Variants in NELL1 observed in about 807,000 individuals in gnomAD.
The protein encoded by NELL1 is protein kinase C-binding protein NELL1.
A neutral mutation model predicts 107.4 loss-of-function variants in NELL1; 76 were observed. The ratio of observed to expected loss-of-function variants is 0.71; its 90% confidence interval spans 0.59 to 0.86. NELL1 has a LOEUF of 0.86. Among genes scored for constraint, NELL1 ranks in the 40% least tolerant of loss-of-function variants. The pLI, the probability that NELL1 is intolerant of heterozygous loss-of-function variation, is 0.00. For missense variants in NELL1, 1,024 were observed against 1,005.5 expected, an observed-to-expected ratio of 1.02 and a Z score of -0.25; for synonymous variants, 353 against 341.2, an observed-to-expected ratio of 1.03 and a Z score of -0.38.
At chr11:20,990,551 A>G (rs1187990920) in intron 12 of NELL1, among the ~76,000 whole-genome samples, 2 of 152,322 alleles carry the variant, frequency 1.3e-5, no homozygotes, top group East Asian at 1.9e-4. Context: ...ATGCTCAGAC[A>G]CAGACATTGG....
At chr11:21,383,960 A>C (rs2133772582) in intron 15 of NELL1, 1 of 152,024 alleles carries the variant, frequency 6.6e-6, no homozygotes, top group East Asian at 1.9e-4. Context: ...GGCAAACTAT[A>C]ATCTTTCACA....
intron 3 of NELL1, among the ~76,000 whole-genome samples, chr11:20,814,434 A>G (rs1857578407): frequency 6.6e-6 from 1 of 152,166 alleles, no homozygotes; most frequent in African/African-American, 2.4e-5. Flanking sequence ...GAAGTTTTTC[A>G]GCCCTTGCCT....
At chr11:20,968,210 T>C (rs1172007541) in intron 12 of NELL1, among the ~76,000 whole-genome samples, 2 of 152,230 alleles carry the variant, frequency 1.3e-5, no homozygotes, top group Non-Finnish European at 2.9e-5. Flanking sequence ...TGTTTTCTTA[T>C]GTGTGTTTTT....
In NELL1 at chr11:20,700,970, C is replaced by T. The variant is rs150753026; in HGVS notation, c.184+22910C>T. Among the ~76,000 whole-genome samples, 1,428 of 152,226 alleles carry T rather than the reference C, an allele frequency of 9.4e-3. 22 individuals are homozygous for T. The highest frequency in any genetic ancestry group is 0.036 in the Admixed American group (543 of 15,290). On this transcript the variant is annotated intron_variant, in intron 2 of 19. Coordinates refer to ENST00000357134, the MANE Select transcript of NELL1 (RefSeq NM_006157.5). ...TGTGAATAGTGCCACAATAAACATA[C>T]GTGTGCATGTGTCTTTATAGCAGCA...
chr11:21,143,119 C>G (rs1175500713), intron 13 of NELL1, among the ~76,000 whole-genome samples: 1 of 152,154 alleles, frequency 6.6e-6, no homozygotes. Flanking sequence ...AGGCCAAACT[C>G]CCATTTTACA....
Position 21,249,036 on chromosome 11 carries a change from C to G in NELL1, c.1549+19582C>G, listed in dbSNP as rs146753175. On this transcript the variant is annotated intron_variant, in intron 14 of 19. Coordinates refer to ENST00000357134, the MANE Select transcript of NELL1 (RefSeq NM_006157.5). ...TACTGTTGCTGGGGGGCCTCTATACCCAGCCCTGCCTGAAGTCAGGACCAC... is the reference window on the plus strand; with the variant it reads ...TACTGTTGCTGGGGGGCCTCTATACGCAGCCCTGCCTGAAGTCAGGACCAC... 3.0e-3 allele frequency among the ~76,000 whole-genome samples: 462 copies of G among 152,158 alleles called. 3 individuals are homozygous for G. Among genetic ancestry groups the G allele is most frequent in the African/African-American group, 0.011 (439 of 41,516 alleles).
chr11:21,003,603 ACT>A (rs1852270167), intron 12 of NELL1, among the ~76,000 whole-genome samples: 1 of 151,822 alleles, frequency 6.6e-6, no homozygotes. Context: ...CCTTCTCTAT[ACT>A]CTGTTTTGCC....
intron 2 of NELL1, among the ~76,000 whole-genome samples, chr11:20,766,291 C>T (rs922557409): frequency 1.3e-5 from 2 of 152,130 alleles, no homozygotes; most frequent in African/African-American, 4.8e-5. Context: ...CATTTCTACT[C>T]TAAACTGCAG....
chr11:20,704,891 A>T (rs1232927130), intron 2 of NELL1, among the ~76,000 whole-genome samples: 1 of 152,224 alleles, frequency 6.6e-6, no homozygotes, highest in Admixed American at 6.6e-5. Context: ...GAGCCAAATC[A>T]TGAGTGAACT....
chr11:20,980,920 A>G (rs1005185611), intron 12 of NELL1, among the ~76,000 whole-genome samples: 3 of 152,244 alleles, frequency 2.0e-5, no homozygotes, highest in Admixed American at 6.5e-5. Flanking sequence ...AAGCCAGAGC[A>G]GTGAGTCAGT....
Position 21,365,924 on chromosome 11 carries a change from A to T in NELL1, c.1550-4929A>T, listed in dbSNP as rs543471846. Among the ~76,000 whole-genome samples, 3 of 152,248 alleles carry T rather than the reference A, an allele frequency of 2.0e-5. No homozygotes were observed. The East Asian group carries it at 5.8e-4, about 29-fold the overall frequency. On this transcript the variant is annotated intron_variant, in intron 14 of 19. Coordinates refer to ENST00000357134, the MANE Select transcript of NELL1 (RefSeq NM_006157.5). ...TGGGGCAGAATTTCTCAACATCACC[A>T]CTATTGACATTTTGGGCCAGATCAT...
At chr11:21,450,728 C>A (rs1014715348) in intron 15 of NELL1, among the ~76,000 whole-genome samples, 1 of 152,080 alleles carries the variant, frequency 6.6e-6, no homozygotes, top group African/African-American at 2.4e-5. Context: ...AAGGGTGGAA[C>A]TGCATACAGT....
At chr11:21,064,540 G>A (rs537860971) in intron 12 of NELL1, among the ~76,000 whole-genome samples, 1 of 152,116 alleles carries the variant, frequency 6.6e-6, no homozygotes, top group Non-Finnish European at 1.5e-5. Flanking sequence ...TGTCTTCTAG[G>A]CTATGGTAAA....
intron 5 of NELL1, among the ~76,000 whole-genome samples, chr11:20,914,465 T>G (rs975943019): frequency 6.6e-6 from 1 of 152,074 alleles, no homozygotes; most frequent in Non-Finnish European, 1.5e-5. Flanking sequence ...GATAAGGGGT[T>G]GTGGAGAAGA....
chr11:21,261,881 A>G lies in NELL1; in HGVS notation c.1549+32427A>G, dbSNP rs148685542. 1.1e-3 allele frequency among the ~76,000 whole-genome samples: 173 copies of G among 151,942 alleles called. 1 individual carries two copies. The highest frequency in any genetic ancestry group is 3.9e-3 in the African/African-American group (160 of 41,508). ...ACTTTCAATGCTTTTAACAGATTCAATTGGTGTTTTCGTTCAGATCTTTAA... is the reference window on the plus strand; with the variant it reads ...ACTTTCAATGCTTTTAACAGATTCAGTTGGTGTTTTCGTTCAGATCTTTAA... On this transcript the variant is annotated intron_variant, in intron 14 of 19. Coordinates refer to ENST00000357134, the MANE Select transcript of NELL1 (RefSeq NM_006157.5).
intron 3 of NELL1, among the ~76,000 whole-genome samples, chr11:20,823,706 C>G (rs1410123967): frequency 6.6e-6 from 1 of 150,916 alleles, no homozygotes; most frequent in East Asian, 1.9e-4. Flanking sequence ...AATACTCTGC[C>G]AAGTATGTGG....
intron 14 of NELL1, among the ~76,000 whole-genome samples, chr11:21,344,307 A>G (rs1224183750): frequency 6.6e-6 from 1 of 152,222 alleles, no homozygotes; most frequent in Admixed American, 6.5e-5. Context: ...ACATGCTGAG[A>G]TAACTTGGTG....
Position 20,937,878 on chromosome 11 carries a change from G to A in NELL1, c.1071+19G>A. 1 of 1,610,736 alleles carries A rather than the reference G, an allele frequency of 6.2e-7. No homozygotes were observed. The highest frequency in any genetic ancestry group is 8.5e-7 in the Non-Finnish European group (1 of 1,176,946). On this transcript the variant is annotated intron_variant, in intron 10 of 19. Coordinates refer to ENST00000357134, the MANE Select transcript of NELL1 (RefSeq NM_006157.5). The stretch of plus-strand genomic sequence containing the variant: ...ATGCCGAGTAAGTGTTAATTTTATG[G>A]TCCCTATCACTTCTGGAAAATGAAT...
intron 15 of NELL1, among the ~76,000 whole-genome samples, chr11:21,439,382 G>T (rs1166173515): frequency 6.6e-6 from 1 of 152,092 alleles, no homozygotes; most frequent in Non-Finnish European, 1.5e-5. Context: ...TGGGTGAGTT[G>T]GTTCTGGGCA....
Sources: gnomAD v4.1 joint callset for allele counts (sites outside exome capture counted in the v4.1 genomes callset) on GRCh38, gnomAD v4.1.1 for gene constraint, MANE v1.5 for transcripts, NCBI Gene and HGNC (gene_info 2026-07-23, HGNC 2026-07-21) for gene names.